UNC5D: variants seen among roughly 807,000 people sequenced by gnomAD.
UNC5D encodes the protein unc-5 netrin receptor D.
In UNC5D, 39 loss-of-function variants were observed where a neutral mutation model predicts 105.4. That is an observed-to-expected ratio of 0.37 (90% CI 0.29 to 0.48). The LOEUF (loss-of-function observed/expected upper bound fraction) is 0.48, where lower values mean the gene tolerates loss of function less well. Among genes scored for constraint, UNC5D ranks in the 20% least tolerant of loss-of-function variants. The pLI is 0.98. For synonymous variants in UNC5D, 452 were observed against 450.4 expected (o/e 1.00, Z -0.04); for missense variants, 991 against 1,202.4 (o/e 0.82, Z 2.60).
chr8:35,560,565 A>T (rs981684706), intron 2 of UNC5D, among the ~76,000 whole-genome samples: 1 of 152,228 alleles, frequency 6.6e-6, no homozygotes, highest in Non-Finnish European at 1.5e-5. Flanking sequence ...TGTTTGTCTT[A>T]TTCAACAGTT....
At chr8:35,780,452 G>A (rs1802452030) in intron 16 of UNC5D, among the ~76,000 whole-genome samples, 1 of 152,206 alleles carries the variant, frequency 6.6e-6, no homozygotes, top group East Asian at 1.9e-4. Flanking sequence ...GATGGCCAGA[G>A]GGCCGAGGAA....
At chr8:35,311,783 C>T (rs1223044932) in intron 1 of UNC5D, among the ~76,000 whole-genome samples, 1 of 152,086 alleles carries the variant, frequency 6.6e-6, no homozygotes, top group African/African-American at 2.4e-5. Flanking sequence ...ACCCTAGAGA[C>T]AAAGAGAACA....
At chr8:35,502,720 G>A (rs542107558) in intron 1 of UNC5D, among the ~76,000 whole-genome samples, 182 of 146,552 alleles carry the variant, frequency 1.2e-3, no homozygotes, top group African/African-American at 4.5e-3. Context: ...CACCATGCCC[G>A]GCTAATTTTT....
chr8:35,458,229 G>A (rs776005349), intron 1 of UNC5D, among the ~76,000 whole-genome samples: 1 of 152,034 alleles, frequency 6.6e-6, no homozygotes, highest in Non-Finnish European at 1.5e-5. Flanking sequence ...TCCCTCATAG[G>A]CAGACTGTTT....
intron 1 of UNC5D, among the ~76,000 whole-genome samples, chr8:35,253,118 G>A (rs1803824749): frequency 6.6e-6 from 1 of 151,888 alleles, no homozygotes; most frequent in African/African-American, 2.4e-5. Flanking sequence ...GTGTGTGTGT[G>A]TGTGCGTGTG....
chr8:35,388,776 G>C (rs376136762), intron 1 of UNC5D, among the ~76,000 whole-genome samples: 3 of 152,294 alleles, frequency 2.0e-5, no homozygotes, highest in South Asian at 2.1e-4. Flanking sequence ...TTCCTAAATA[G>C]TTGTTATCTT....
chr8:35,480,907 G>A (rs1158104790), intron 1 of UNC5D, among the ~76,000 whole-genome samples: 1 of 152,154 alleles, frequency 6.6e-6, no homozygotes, highest in Non-Finnish European at 1.5e-5. Flanking sequence ...TGGAGGATAA[G>A]AAGTTCATTT....
intron 4 of UNC5D, among the ~76,000 whole-genome samples, chr8:35,665,476 A>C (rs2131251917): frequency 6.6e-6 from 1 of 152,240 alleles, no homozygotes; most frequent in South Asian, 2.1e-4. Flanking sequence ...CACCCAAATA[A>C]GACCATGGGT....
chr8:35,235,909 C>CAACT (rs1554491882), intron 1 of UNC5D, 22 bp downstream of exon 1: 21 of 1,226,658 alleles, frequency 1.7e-5, no homozygotes, highest in Non-Finnish European at 2.1e-5. Context: ...GCGGAGCGGG[C>CAACT]AGCTGGGGGC....
At chr8:35,557,653 T>C (rs1161553931) in intron 2 of UNC5D, among the ~76,000 whole-genome samples, 1 of 152,128 alleles carries the variant, frequency 6.6e-6, no homozygotes, top group Non-Finnish European at 1.5e-5. Flanking sequence ...GCGTGTGAGA[T>C]ACATGTGTCC....
rs776200350 is a variant in UNC5D at position 35,683,574 on chromosome 8, A to G, written c.598A>G (p.Ile200Val). The G allele has an allele frequency of 4.0e-5, 62 of 1,567,630 alleles. 1 individual carries two copies. Among genetic ancestry groups the G allele is most frequent in the South Asian group, 2.6e-4 (21 of 82,212 alleles). The change falls in exon 5 of 17, where the codon ATT (isoleucine) becomes GTT (valine). Residue 200 changes from isoleucine to valine, a missense_variant. By Grantham distance (29) the Ile-to-Val change is conservative (BLOSUM62 3). This residue lies in a region of UNC5D where 944 missense variants were observed against 1,131.6 expected (regional missense o/e 0.83). Transcript: ENST00000404895. ...GGAATGGCTGAAAAATGAAGAGCCC[A>G]TTGACTCTGAACAAGACGAGAACAT... ...EVEWLKNEEP[I>V]DSEQDENIDT...
chr8:35,421,109 A>G (rs1805871918), intron 1 of UNC5D, among the ~76,000 whole-genome samples: 1 of 152,114 alleles, frequency 6.6e-6, no homozygotes, highest in Non-Finnish European at 1.5e-5. Context: ...TTCTGTGCCC[A>G]TATCAAGGTT....
chr8:35,298,946 TTTTG>T (rs1480428082), intron 1 of UNC5D, among the ~76,000 whole-genome samples: 1 of 152,162 alleles, frequency 6.6e-6, no homozygotes, highest in Admixed American at 6.5e-5. Flanking sequence ...TTTATTCATT[TTTTG>T]TTTATTTCAA....
rs922459477 is a variant in UNC5D at position 35,432,306 on chromosome 8, T to G, written c.104-116986T>G. On this transcript the variant is annotated intron_variant, in intron 1 of 16. Coordinates refer to ENST00000404895, the MANE Select transcript of UNC5D (RefSeq NM_080872.4). ...ATTATTACCCCATCCTGAAATAGTTTTTTAATTCTCACAGTTTTAATGAGA... is the reference window on the plus strand; with the variant it reads ...ATTATTACCCCATCCTGAAATAGTTGTTTAATTCTCACAGTTTTAATGAGA... 3.9e-5 allele frequency among the ~76,000 whole-genome samples: 6 copies of G among 152,212 alleles called. No homozygotes were observed. The East Asian group carries it at 9.6e-4, about 24-fold the overall frequency.
At chr8:35,706,155 C>T (rs1827563099) in intron 8 of UNC5D, among the ~76,000 whole-genome samples, 194 bp downstream of exon 8, 1 of 152,194 alleles carries the variant, frequency 6.6e-6, no homozygotes, top group African/African-American at 2.4e-5. Context: ...TCTCCTCCCT[C>T]CCAGTAAAAA....
At chr8:35,341,415 C>T (rs1811445181) in intron 1 of UNC5D, among the ~76,000 whole-genome samples, 1 of 151,480 alleles carries the variant, frequency 6.6e-6, no homozygotes, top group Non-Finnish European at 1.5e-5. Flanking sequence ...AAGCCGAAAC[C>T]AGAATGAGCG....
intron 1 of UNC5D, among the ~76,000 whole-genome samples, chr8:35,370,104 G>A (rs1170024720): frequency 6.6e-6 from 1 of 152,146 alleles, no homozygotes; most frequent in East Asian, 1.9e-4. Context: ...CTTTTGGGGT[G>A]AAGGCTTTCT....
chr8:35,563,454 A>G (rs1817109978), intron 2 of UNC5D, among the ~76,000 whole-genome samples: 1 of 151,438 alleles, frequency 6.6e-6, no homozygotes, highest in South Asian at 2.1e-4. Context: ...TGCTACTGAT[A>G]TTTGTACATT....
chr8:35,731,270 G>A (rs552413830), intron 11 of UNC5D, among the ~76,000 whole-genome samples, 174 bp downstream of exon 11: 1 of 151,738 alleles, frequency 6.6e-6, no homozygotes, highest in Non-Finnish European at 1.5e-5. Flanking sequence ...GCATGGTGAT[G>A]CATGCCTGTA....
Sources: allele counts gnomAD v4.1 joint callset (sites outside exome capture counted in the v4.1 genomes callset), GRCh38; gene constraint gnomAD v4.1.1; regional missense constraint gnomAD v4.1.1; transcripts MANE v1.5; gene names NCBI Gene and HGNC (gene_info 2026-07-23, HGNC 2026-07-21).